Variants in DCUN1D4 observed in about 807,000 individuals in gnomAD.
DCUN1D4 encodes DCN1-like protein 4.
Under a neutral mutation model 47.9 loss-of-function variants are expected in DCUN1D4, and 22 were observed. The ratio of observed to expected loss-of-function variants is 0.46; its 90% CI spans 0.33 to 0.66. The LOEUF is 0.66. Ranked by LOEUF, DCUN1D4 falls within the 30% of genes least tolerant of loss-of-function variation. The pLI is 0.02. For missense variants in DCUN1D4, 301 were observed against 340.8 expected (o/e 0.88, Z 0.92); for synonymous variants, 121 against 112.2 (o/e 1.08, Z -0.50).
At chr4:51,863,314 CT>C in intron 1 of DCUN1D4, 122 bp from the exon 2 acceptor site, 1 of 786,140 alleles carries the variant, frequency 1.3e-6, no homozygotes, top group East Asian at 2.7e-5. Context: ...TTTTAAAAAA[CT>C]TTAGTGTCAA....
Position 51,874,373 on chromosome 4 carries a change from G to T in DCUN1D4, c.239G>T (p.Ser80Ile). 6.2e-7 allele frequency: 1 copy of T among 1,611,908 alleles called. No individual in the cohort carries two copies. The highest frequency in any genetic ancestry group is 8.5e-7 in the Non-Finnish European group (1 of 1,178,466). The change falls in exon 4 of 11, where the codon AGT becomes ATT. Residue 80 changes from serine (S) to isoleucine (I), a missense_variant. Around this residue, in one of 2 missense-constraint regions of DCUN1D4, gnomAD observed 131 missense variants for 106.3 expected, o/e 1.23. Coordinates refer to ENST00000334635, the MANE Select transcript of DCUN1D4 (RefSeq NM_001040402.3). ...ASGDDLSAKK[S>I]RHDSMYRKYD... The stretch of plus-strand genomic sequence containing the variant: ...GGAGATGATTTATCTGCCAAGAAAA[G>T]TAGACATGATAGGTATGATGTAGAG...
At chr4:51,889,443 C>G (rs1341700591) in intron 6 of DCUN1D4, among the ~76,000 whole-genome samples, 1 of 152,200 alleles carries the variant, frequency 6.6e-6, no homozygotes, top group South Asian at 2.1e-4. Context: ...ACCAAGATAA[C>G]AGCAACATTC....
At chr4:51,891,245 T>C (rs1232047822) in intron 6 of DCUN1D4, among the ~76,000 whole-genome samples, 3 of 152,262 alleles carry the variant, frequency 2.0e-5, no homozygotes, top group Non-Finnish European at 4.4e-5. Context: ...CTAGTTCTAC[T>C]TCATTCATCT....
At chr4:51,907,821 T>G (rs988768001) in intron 8 of DCUN1D4, among the ~76,000 whole-genome samples, 8 of 152,234 alleles carry the variant, frequency 5.3e-5, no homozygotes, top group African/African-American at 1.7e-4. Context: ...AGGTTCATTT[T>G]TGTAATATAT....
intron 8 of DCUN1D4, among the ~76,000 whole-genome samples, chr4:51,909,625 C>T (rs1733405228): frequency 6.6e-6 from 1 of 152,162 alleles, no homozygotes; most frequent in Non-Finnish European, 1.5e-5. Context: ...CAGGACAATA[C>T]ATATGGCCAA....
chr4:51,884,635 T>G (rs1399479867), intron 5 of DCUN1D4, among the ~76,000 whole-genome samples: 1 of 152,194 alleles, frequency 6.6e-6, no homozygotes, highest in Admixed American at 6.5e-5. Flanking sequence ...ATGCTGAGCT[T>G]GTAAGAAGAA....
At chr4:51,843,147 G>A (rs1469896189), upstream of DCUN1D4, 4 of 1,509,474 alleles carry the variant, frequency 2.6e-6, no homozygotes, top group Non-Finnish European at 3.5e-6. Context: ...CCGGCGGCGG[G>A]TCCTCAGCTT....
rs1194468853 is a variant in DCUN1D4 at position 51,915,193 on chromosome 4, T to A, written c.*1609T>A. ...GCAAACAGTGTTCACATTTTCATAT[T>A]TTTTCCCTAACTAAACCACCAAAGA... On this transcript the variant is annotated 3_prime_UTR_variant, in exon 11 of 11. Coordinates refer to ENST00000334635, the MANE Select transcript of DCUN1D4 (RefSeq NM_001040402.3). 6.6e-6 allele frequency: 1 copy of A among 152,566 alleles called. No homozygotes were observed. Among genetic ancestry groups the A allele is most frequent in the Admixed American group, 6.6e-5 (1 of 15,258 alleles). The allele number at this position is 152,566 out of a possible 1,614,324, so 9.5% of individuals were successfully genotyped here. A position where few individuals can be genotyped will look rare whatever the true frequency, so the allele number is the denominator to read the frequency against.
At chr4:51,871,456 T>C (rs1726886930) in intron 3 of DCUN1D4, among the ~76,000 whole-genome samples, 1 of 152,318 alleles carries the variant, frequency 6.6e-6, no homozygotes, top group Non-Finnish European at 1.5e-5. Context: ...TGAACTTTTA[T>C]TGGTGAATAT....
intron 9 of DCUN1D4, among the ~76,000 whole-genome samples, chr4:51,912,689 T>C (rs1464350204): frequency 1.3e-5 from 2 of 152,218 alleles, no homozygotes; most frequent in Non-Finnish European, 2.9e-5. Context: ...TCTAGCTTCT[T>C]TTATGATCAG....
At chr4:51,859,774 T>A (rs1351011249) in intron 1 of DCUN1D4, among the ~76,000 whole-genome samples, 1 of 152,138 alleles carries the variant, frequency 6.6e-6, no homozygotes, top group Non-Finnish European at 1.5e-5. Context: ...TAGAGCTGAT[T>A]GCTGGTTTTA....
rs1353124930 is a variant in DCUN1D4 at position 51,845,105 on chromosome 4, C to T, written c.25+1838C>T. The T allele has an allele frequency of 7.1e-6, 7 of 985,324 alleles. No homozygotes were observed. The Admixed American group carries it at 3.1e-4, about 43-fold the overall frequency. The allele number at this position is 985,324 out of a possible 1,614,324, so 61.0% of individuals were successfully genotyped here. A position where few individuals can be genotyped will look rare whatever the true frequency, so the allele number is the denominator to read the frequency against. On this transcript the variant is annotated intron_variant, in intron 1 of 10. Coordinates refer to ENST00000334635, the MANE Select transcript of DCUN1D4 (RefSeq NM_001040402.3). ...AAATGCTTGGTCTTGTACCATCATG[C>T]GCACGGGTTGTGGGAAAACATTTAA...
intron 1 of DCUN1D4, among the ~76,000 whole-genome samples, chr4:51,844,701 G>C (rs1382853972): frequency 6.6e-6 from 1 of 151,920 alleles, no homozygotes; most frequent in African/African-American, 2.4e-5. Flanking sequence ...CGTGCTGGGA[G>C]GGCGCTTGAG....
At chr4:51,846,568 A>G (rs1296333656) in intron 1 of DCUN1D4, among the ~76,000 whole-genome samples, 1 of 152,214 alleles carries the variant, frequency 6.6e-6, no homozygotes, top group Non-Finnish European at 1.5e-5. Context: ...CTCAATCATC[A>G]TCTGCTAATT....
intron 6 of DCUN1D4, among the ~76,000 whole-genome samples, chr4:51,891,081 A>G (rs1730349544): frequency 6.6e-6 from 1 of 152,146 alleles, no homozygotes; most frequent in Admixed American, 6.5e-5. Flanking sequence ...ATAATTTCCC[A>G]CCAGTGTATA....
At chr4:51,837,648 C>A in the DCUN1D4 span, among the ~76,000 whole-genome samples, 1 of 84,520 alleles carries the variant, frequency 1.2e-5, no homozygotes, top group African/African-American at 5.1e-5. Flanking sequence ...GAACGAGACT[C>A]CGTCTCAAAA....
chr4:51,846,337 A>G (rs2109793016), intron 1 of DCUN1D4, among the ~76,000 whole-genome samples: 1 of 152,286 alleles, frequency 6.6e-6, no homozygotes, highest in East Asian at 1.9e-4. Flanking sequence ...ATTTTTAGGT[A>G]ATCTTGTCTG....
At chr4:51,845,645 G>A (rs1722423358) in intron 1 of DCUN1D4, among the ~76,000 whole-genome samples, 1 of 152,198 alleles carries the variant, frequency 6.6e-6, no homozygotes, top group Non-Finnish European at 1.5e-5. Context: ...GATTAATGCA[G>A]AGATGATAGA....
intron 8 of DCUN1D4, among the ~76,000 whole-genome samples, chr4:51,903,912 A>T (rs1268440892): frequency 1.3e-5 from 2 of 152,056 alleles, no homozygotes; most frequent in Non-Finnish European, 2.9e-5. Flanking sequence ...GAACATGTTT[A>T]TAGTAGGTAT....
Sources: allele counts gnomAD v4.1 joint callset (sites outside exome capture counted in the v4.1 genomes callset), GRCh38; gene constraint gnomAD v4.1.1; regional missense constraint gnomAD v4.1.1; transcripts MANE v1.5; gene names NCBI Gene and HGNC (gene_info 2026-07-23, HGNC 2026-07-21).